Variants in WASF2 observed in about 807,000 individuals in gnomAD.
The protein encoded by WASF2 is actin-binding protein WASF2.
A neutral mutation model predicts 45.0 loss-of-function variants in WASF2; 14 were observed. The observed-to-expected ratio is 0.31, with a 90% CI of 0.21 to 0.49. WASF2 has a LOEUF of 0.49. WASF2 is among the 20% of genes least tolerant of loss of function. The pLI is 0.99. For missense variants in WASF2, 439 were observed against 636.1 expected (o/e 0.69, Z 3.33); for synonymous variants, 200 against 236.3 (o/e 0.85, Z 1.41).
intron 1 of WASF2, among the ~76,000 whole-genome samples, chr1:27,478,964 T>C (rs941869333): frequency 6.6e-6 from 1 of 151,990 alleles, no homozygotes; most frequent in African/African-American, 2.4e-5. Flanking sequence ...TATACTTCCA[T>C]CTCACTGTAT....
chr1:27,483,594 C>T (rs944438523), intron 1 of WASF2, among the ~76,000 whole-genome samples: 4 of 152,004 alleles, frequency 2.6e-5, no homozygotes, highest in Non-Finnish European at 5.9e-5. Context: ...GAGCCGAGAT[C>T]ACGCCACTGC....
At chr1:27,418,565 G>C (rs980834799) in intron 3 of WASF2, 143 bp from the exon 4 acceptor site, 19 of 1,169,712 alleles carry the variant, frequency 1.6e-5, no homozygotes, top group Middle Eastern at 2.1e-4. Context: ...CTCCCCCTCT[G>C]GGGAAGCCCC....
chr1:27,439,937 C>T (rs529604635), intron 1 of WASF2, among the ~76,000 whole-genome samples: 2 of 152,246 alleles, frequency 1.3e-5, no homozygotes, highest in South Asian at 4.1e-4. Flanking sequence ...GACGTTGAAG[C>T]TGCAATGAGC....
intron 1 of WASF2, among the ~76,000 whole-genome samples, chr1:27,488,683 G>A (rs1372830641): frequency 6.6e-6 from 1 of 152,142 alleles, no homozygotes; most frequent in African/African-American, 2.4e-5. Flanking sequence ...TAACCTTCCA[G>A]AGATCAAGAC....
chr1:27,410,043 T>C lies in WASF2; in HGVS notation c.988A>G (p.Ile330Val), dbSNP rs1168226853. The C allele has an allele frequency of 6.2e-7, 1 of 1,612,878 alleles. No homozygotes were observed. Among genetic ancestry groups the C allele is most frequent in the South Asian group, 1.1e-5 (1 of 90,956 alleles). ...PAPPPPPPPM[I>V]GIPPPPPPVG... ...GGCGGTGGTGGAGGTGGGATGCCTA[T>C]CATTGGAGGCGGAGGTGGCGGAGGG... is the stretch of plus-strand genomic sequence containing the variant. The change falls in exon 8 of 9, where the codon ATA becomes GTA. Residue 330 changes from isoleucine (I) to valine (V), a missense_variant. Around this residue, in one of 5 missense-constraint regions of WASF2, gnomAD observed 286 missense variants for 373.5 expected, o/e 0.77. Coordinates refer to ENST00000618852, the MANE Select transcript of WASF2 (RefSeq NM_006990.5). This position sits in a 1 kb window ranked among gnomAD's most constrained non-coding sequence, Gnocchi z 4.2.
At chr1:27,452,974 G>A (rs2017405569) in intron 1 of WASF2, among the ~76,000 whole-genome samples, 1 of 151,476 alleles carries the variant, frequency 6.6e-6, no homozygotes, top group Non-Finnish European at 1.5e-5. Context: ...GGGAGGCTGA[G>A]GTGGGTGGAT....
chr1:27,488,019 C>G (rs193192793), intron 1 of WASF2, among the ~76,000 whole-genome samples: 32 of 152,042 alleles, frequency 2.1e-4, no homozygotes, highest in African/African-American at 7.7e-4. Context: ...AGGAACAGCT[C>G]TTAAAGATAT....
chr1:27,408,067 G>T lies in WASF2; in HGVS notation c.*122C>A. The T allele has an allele frequency of 8.3e-7, 1 of 1,210,128 alleles. No homozygotes were observed. The highest frequency in any genetic ancestry group is 1.1e-6 in the Non-Finnish European group (1 of 875,358). 75.0% of individuals were successfully genotyped at this position (1,210,128 alleles called of 1,614,324 possible). On this transcript the variant is annotated 3_prime_UTR_variant, in exon 9 of 9. Coordinates refer to ENST00000618852, the MANE Select transcript of WASF2 (RefSeq NM_006990.5). ...TATATCTTTGGTTGCTTCAGGGAAA[G>T]CTTTGGCCCCTTAAAATTACTTTTT...
chr1:27,485,952 T>C (rs565073907), intron 1 of WASF2, among the ~76,000 whole-genome samples: 1 of 152,316 alleles, frequency 6.6e-6, no homozygotes, highest in East Asian at 1.9e-4. Context: ...CCTTGTGATC[T>C]GCCCGCCTCG....
Position 27,420,514 on chromosome 1 carries a change from C to CTTTT in WASF2, c.131-1430_131-1427dup, listed in dbSNP as rs782294669. Among the ~76,000 whole-genome samples, 184 of 82,492 alleles carry CTTTT rather than the reference C, an allele frequency of 2.2e-3. 2 individuals carry two copies. The highest frequency in any genetic ancestry group is 2.6e-3 in the Admixed American group (13 of 5,012). 54.1% of individuals were successfully genotyped at this position (82,492 alleles called of 152,430 possible). ...CATACAAATAAATATACCATCTGAG[C>CTTTT]TTTTTTTTTTTTTTTTTTTTTTTTG... On this transcript the variant is annotated intron_variant, in intron 2 of 8. Transcript: ENST00000618852.
chr1:27,417,240 A>C (rs1180472895), intron 4 of WASF2, among the ~76,000 whole-genome samples: 4 of 152,224 alleles, frequency 2.6e-5, no homozygotes, highest in East Asian at 1.9e-4. Flanking sequence ...TATCAGTTGT[A>C]TGACCCCTTT....
Position 27,406,546 on chromosome 1 carries a change from T to A in WASF2, c.*1643A>T, listed in dbSNP as rs1172697307. On this transcript the variant is annotated 3_prime_UTR_variant, in exon 9 of 9. Transcript: ENST00000618852. ...GGTAGGGACAGATCCTGTTTCTCTT[T>A]GTTTCAGGGCTCTGAAAGCCGGAGA... 6.5e-6 allele frequency: 1 copy of A among 152,682 alleles called. No homozygotes were observed. The highest frequency in any genetic ancestry group is 6.5e-5 in the Admixed American group (1 of 15,286). The allele number at this position is 152,682 out of a possible 1,614,324, so 9.5% of individuals were successfully genotyped here. A position where few individuals can be genotyped will look rare whatever the true frequency, so the allele number is the denominator to read the frequency against.
rs149672114 is a variant in WASF2 at position 27,416,109 on chromosome 1, T to A, written c.420-7A>T. The stretch of plus-strand genomic sequence containing the variant: ...TGCCTCTTTTCCATCGTCCCTGGGA[T>A]AGAAATGAAGACAAGTAGCTGTCAG... On this transcript the variant is annotated splice_region_variant and splice_polypyrimidine_tract_variant and intron_variant, in intron 4 of 8. Coordinates refer to ENST00000618852, the MANE Select transcript of WASF2 (RefSeq NM_006990.5). The A allele has an allele frequency of 1.5e-5, 24 of 1,612,224 alleles. No individual in the cohort carries two copies. The Admixed American group carries it at 4.0e-4, about 27-fold the overall frequency.
At chr1:27,460,468 T>C (rs1047453454) in intron 1 of WASF2, among the ~76,000 whole-genome samples, 2 of 152,196 alleles carry the variant, frequency 1.3e-5, no homozygotes, top group African/African-American at 4.8e-5. Flanking sequence ...ATGAAGCAAT[T>C]ATCATGTCCT....
chr1:27,455,481 C>T (rs772805880), intron 1 of WASF2, among the ~76,000 whole-genome samples: 4 of 151,934 alleles, frequency 2.6e-5, no homozygotes, highest in South Asian at 2.1e-4. Context: ...TGAGAAGGGC[C>T]GAGACTGAGA....
intron 7 of WASF2, among the ~76,000 whole-genome samples, chr1:27,412,095 C>A (rs989365360): frequency 6.6e-6 from 1 of 152,196 alleles, no homozygotes; most frequent in Non-Finnish European, 1.5e-5. Context: ...CAGTGCCTAC[C>A]TCAAAAGAGG....
chr1:27,436,713 G>A (rs2017142602), intron 1 of WASF2, among the ~76,000 whole-genome samples: 1 of 152,178 alleles, frequency 6.6e-6, no homozygotes, highest in South Asian at 2.1e-4. Flanking sequence ...GAAATACAGG[G>A]TGGGGCTAAA....
chr1:27,471,797 C>T (rs1158511079), intron 1 of WASF2, among the ~76,000 whole-genome samples: 4 of 152,164 alleles, frequency 2.6e-5, no homozygotes, highest in African/African-American at 4.8e-5. Context: ...AGAAGGAAGG[C>T]CTGTTCAATC....
At chr1:27,457,548 G>A (rs2017485955) in intron 1 of WASF2, among the ~76,000 whole-genome samples, 1 of 148,742 alleles carries the variant, frequency 6.7e-6, no homozygotes, top group African/African-American at 2.4e-5. Flanking sequence ...AAAACGGATA[G>A]AAGAATGGAA....
Sources: allele counts gnomAD v4.1 joint callset (sites outside exome capture counted in the v4.1 genomes callset), GRCh38; gene constraint gnomAD v4.1.1; regional missense constraint gnomAD v4.1.1; non-coding constraint Gnocchi (gnomAD v3.1); transcripts MANE v1.5; gene names NCBI Gene and HGNC (gene_info 2026-07-23, HGNC 2026-07-21).